RBFOX1: variants seen among roughly 807,000 people sequenced by gnomAD.
RBFOX1 encodes RNA binding protein fox-1 homolog 1.
A neutral mutation model predicts 57.7 loss-of-function variants in RBFOX1; 8 were observed. That is an observed-to-expected ratio of 0.14 (90% CI 0.08 to 0.25). RBFOX1 has a LOEUF of 0.25. RBFOX1 is among the 10% of genes least tolerant of loss of function. The pLI is 1.00. For missense variants in RBFOX1, 611 were observed against 548.5 expected, an observed-to-expected ratio of 1.11 and a Z score of -1.14; for synonymous variants, 326 against 222.4, an observed-to-expected ratio of 1.47 and a Z score of -4.15.
chr16:5,942,670 A>G (rs890435310), intron 4 of RBFOX1, among the ~76,000 whole-genome samples: 1 of 152,198 alleles, frequency 6.6e-6, no homozygotes, highest in Non-Finnish European at 1.5e-5. Context: ...TTTAAAATAC[A>G]AACTACCTTT....
Position 7,221,344 on chromosome 16 carries a change from A to ATCAT in RBFOX1, c.27+169247_27+169248insCATT, listed in dbSNP as rs1555593136. Among the ~76,000 whole-genome samples, 4 of 114,734 alleles carry ATCAT rather than the reference A, an allele frequency of 3.5e-5. 1 individual carries two copies. Among genetic ancestry groups the ATCAT allele is most frequent in the East Asian group, 7.3e-4 (2 of 2,758 alleles). The allele number at this position is 114,734 out of a possible 152,430, so 75.3% of individuals were successfully genotyped here. The stretch of plus-strand genomic sequence containing the variant: ...CTTGTTTATTCTTTATTTTTATTTG[A>ATCAT]TTATTTATTTATTTATTTATTTTTT... On this transcript the variant is annotated intron_variant, in intron 4 of 15. Coordinates refer to ENST00000550418, the MANE Select transcript of RBFOX1 (RefSeq NM_018723.4).
intron 2 of RBFOX1, among the ~76,000 whole-genome samples, chr16:6,430,967 GAAAAAAAA>G (rs59044318): frequency 2.2e-5 from 2 of 90,508 alleles, no homozygotes; most frequent in Admixed American, 1.3e-4. Context: ...CTCATCTCCA[GAAAAAAAA>G]AAAAAAAAAA....
intron 2 of RBFOX1, among the ~76,000 whole-genome samples, chr16:5,590,689 G>A (rs2046978851): frequency 6.6e-6 from 1 of 152,148 alleles, no homozygotes; most frequent in African/African-American, 2.4e-5. Context: ...TCTGGGCATT[G>A]CCTTTTGGTC....
chr16:6,682,834 G>T (rs1180554705), intron 3 of RBFOX1, among the ~76,000 whole-genome samples: 1 of 135,586 alleles, frequency 7.4e-6, no homozygotes, highest in African/African-American at 2.8e-5. Context: ...ACAGGATAAA[G>T]GCAAAAAGAG....
intron 2 of RBFOX1, among the ~76,000 whole-genome samples, chr16:6,553,613 A>G (rs1019476025): frequency 6.6e-6 from 1 of 151,948 alleles, no homozygotes; most frequent in Non-Finnish European, 1.5e-5. Flanking sequence ...TGGAGGTGAG[A>G]GTAGACGCGG....
At chr16:7,240,057 C>A (rs2093980116) in intron 4 of RBFOX1, among the ~76,000 whole-genome samples, 2 of 152,080 alleles carry the variant, frequency 1.3e-5, no homozygotes, top group African/African-American at 2.4e-5. Flanking sequence ...ACATTTGTCT[C>A]CTGAGTTCAA....
intron 3 of RBFOX1, among the ~76,000 whole-genome samples, chr16:7,005,630 G>A (rs1171245943): frequency 2.0e-5 from 3 of 152,172 alleles, no homozygotes; most frequent in Non-Finnish European, 4.4e-5. Flanking sequence ...CTCACAGATA[G>A]ACTTTGGTGT....
intron 2 of RBFOX1, among the ~76,000 whole-genome samples, chr16:6,377,111 A>T (rs979989636): frequency 1.3e-5 from 2 of 151,386 alleles, no homozygotes; most frequent in African/African-American, 4.9e-5. Context: ...CATCCCTACA[A>T]AAAAAAATTA....
At chr16:7,449,849 G>T (rs552413262) in intron 4 of RBFOX1, among the ~76,000 whole-genome samples, 12 of 152,102 alleles carry the variant, frequency 7.9e-5, no homozygotes, top group African/African-American at 2.7e-4. Flanking sequence ...CTTCCCATGA[G>T]GTCTAAGAGG....
At chr16:7,078,327 C>T (rs1598862280) in intron 4 of RBFOX1, among the ~76,000 whole-genome samples, 1 of 152,174 alleles carries the variant, frequency 6.6e-6, no homozygotes, top group East Asian at 1.9e-4. Flanking sequence ...ATGGCTTTCT[C>T]TTGTTTATAA....
intron 1 of RBFOX1, among the ~76,000 whole-genome samples, chr16:5,283,839 A>T (rs2063329439): frequency 6.6e-6 from 1 of 152,014 alleles, no homozygotes; most frequent in Admixed American, 6.6e-5. Flanking sequence ...CTCTCAGTTA[A>T]TGCTGAACTT....
At chr16:7,507,736 G>T (rs12600099) in intron 4 of RBFOX1, among the ~76,000 whole-genome samples, 78,057 of 151,278 alleles carry the variant, frequency 0.52, 24,358 homozygotes, top group Middle Eastern at 0.71. Context: ...GCTAATTGTT[G>T]GTAATTTTAG....
rs139387357 is a variant in RBFOX1 at position 6,189,731 on chromosome 16, C to T, written c.-126-127264C>T. Among the ~76,000 whole-genome samples the T allele has an allele frequency of 5.2e-3, 787 of 152,270 alleles. 4 individuals are homozygous for T. The highest frequency in any genetic ancestry group is 0.01 in the Middle Eastern group (3 of 294). ...TTAGAACACTCTGACTCCTAGAATTCGTACATTCCACTAAACAAGTAATAT... is the reference window on the plus strand; with the variant it reads ...TTAGAACACTCTGACTCCTAGAATTTGTACATTCCACTAAACAAGTAATAT... On this transcript the variant is annotated intron_variant, in intron 1 of 15. Coordinates refer to ENST00000550418, the MANE Select transcript of RBFOX1 (RefSeq NM_018723.4).
At chr16:7,628,049 C>A (rs974310206) in intron 10 of RBFOX1, among the ~76,000 whole-genome samples, 1 of 152,028 alleles carries the variant, frequency 6.6e-6, no homozygotes, top group Admixed American at 6.6e-5. Context: ...AGGCAAAAAT[C>A]TGTGCTGTGT....
At chr16:7,504,359 A>G (rs955655082) in intron 4 of RBFOX1, among the ~76,000 whole-genome samples, 2 of 152,016 alleles carry the variant, frequency 1.3e-5, no homozygotes, top group Non-Finnish European at 2.9e-5. Context: ...ATCATCATTA[A>G]CGTGATTAAT....
chr16:6,863,359 C>T (rs940028268), intron 3 of RBFOX1, among the ~76,000 whole-genome samples: 1 of 152,038 alleles, frequency 6.6e-6, no homozygotes, highest in Non-Finnish European at 1.5e-5. Flanking sequence ...AGGGTGGTGA[C>T]TCACTAATCT....
chr16:7,031,363 A>G (rs920083450), intron 3 of RBFOX1, among the ~76,000 whole-genome samples: 1 of 152,116 alleles, frequency 6.6e-6, no homozygotes, highest in African/African-American at 2.4e-5. Context: ...TGGGAGGCCG[A>G]GGCAGGTGGA....
At chr16:7,056,556 G>C (rs1219355280) in intron 4 of RBFOX1, among the ~76,000 whole-genome samples, 2 of 152,090 alleles carry the variant, frequency 1.3e-5, no homozygotes, top group Non-Finnish European at 2.9e-5. Flanking sequence ...ACCAACAGAT[G>C]GACAAATAAA....
intron 2 of RBFOX1, among the ~76,000 whole-genome samples, chr16:6,412,337 G>A (rs1294171961): frequency 6.6e-6 from 1 of 152,036 alleles, no homozygotes; most frequent in Non-Finnish European, 1.5e-5. Context: ...ATAATGCGCT[G>A]GTAGATTTCC....
Sources: gnomAD v4.1 joint callset for allele counts (sites outside exome capture counted in the v4.1 genomes callset) on GRCh38, gnomAD v4.1.1 for gene constraint, MANE v1.5 for transcripts, NCBI Gene and HGNC (gene_info 2026-07-23, HGNC 2026-07-21) for gene names.